Variants in SETBP1 observed in about 807,000 individuals in gnomAD.
SETBP1 encodes SET binding protein 1.
Under a neutral mutation model 101.0 loss-of-function variants are expected in SETBP1, and 9 were observed. That is an observed-to-expected ratio of 0.09 (90% confidence interval 0.05 to 0.16). The LOEUF (loss-of-function observed/expected upper bound fraction) is 0.16, where lower values mean the gene tolerates loss of function less well. Ranked by LOEUF, SETBP1 falls within the 10% of genes least tolerant of loss-of-function variation. The pLI is 1.00. For synonymous variants in SETBP1, 818 were observed against 788.5 expected, an observed-to-expected ratio of 1.04 and a Z score of -0.63; for missense variants, 1,858 against 2,033.8, an observed-to-expected ratio of 0.91 and a Z score of 1.66.
At chr18:44,692,882 G>A (rs981283772) in intron 1 of SETBP1, among the ~76,000 whole-genome samples, 5 of 152,196 alleles carry the variant, frequency 3.3e-5, no homozygotes, top group East Asian at 1.9e-4. Context: ...TGCAGCTTAC[G>A]AGATGCTGCT....
At chr18:45,059,784 C>T (rs2073864005) in intron 5 of SETBP1, among the ~76,000 whole-genome samples, 1 of 152,186 alleles carries the variant, frequency 6.6e-6, no homozygotes, top group Non-Finnish European at 1.5e-5. Flanking sequence ...ACATAGAGAA[C>T]ATTTTCGCCA....
chr18:44,828,305 A>G (rs529816529), intron 2 of SETBP1, among the ~76,000 whole-genome samples: 1 of 152,306 alleles, frequency 6.6e-6, no homozygotes, highest in South Asian at 2.1e-4. Flanking sequence ...GCCTTGTCAC[A>G]TGGCAATGAA....
At chr18:44,780,922 G>A (rs2071116466) in intron 2 of SETBP1, among the ~76,000 whole-genome samples, 1 of 152,198 alleles carries the variant, frequency 6.6e-6, no homozygotes, top group South Asian at 2.1e-4. Context: ...TTAGAACAGA[G>A]TGATGAGAAA....
At chr18:44,829,429 C>A (rs114412971) in intron 2 of SETBP1, among the ~76,000 whole-genome samples, 1 of 151,964 alleles carries the variant, frequency 6.6e-6, no homozygotes, top group Non-Finnish European at 1.5e-5. Flanking sequence ...AGCTGAACAA[C>A]GGAAAATACT....
chr18:44,791,256 A>C (rs1455800518), intron 2 of SETBP1, among the ~76,000 whole-genome samples: 1 of 152,162 alleles, frequency 6.6e-6, no homozygotes, highest in African/African-American at 2.4e-5. Flanking sequence ...ACACCCTCAA[A>C]TGCACAGGTC....
intron 4 of SETBP1, among the ~76,000 whole-genome samples, chr18:45,005,209 G>T (rs1310554403): frequency 6.6e-6 from 1 of 152,150 alleles, no homozygotes; most frequent in African/African-American, 2.4e-5. Flanking sequence ...TAAAACAAGA[G>T]TCTTGATGGT....
intron 5 of SETBP1, among the ~76,000 whole-genome samples, chr18:45,041,381 G>A (rs935242650): frequency 1.3e-5 from 2 of 152,186 alleles, no homozygotes; most frequent in African/African-American, 4.8e-5. Context: ...ACTGTAATAT[G>A]TATTTCTGAT....
chr18:44,905,442 C>G (rs910755734), intron 3 of SETBP1, among the ~76,000 whole-genome samples: 1 of 152,138 alleles, frequency 6.6e-6, no homozygotes, highest in African/African-American at 2.4e-5. Flanking sequence ...TACACAGCTC[C>G]TAGCACTATG....
At chr18:44,972,564 TG>T (rs2071890698) in intron 4 of SETBP1, among the ~76,000 whole-genome samples, 2 of 152,216 alleles carry the variant, frequency 1.3e-5, no homozygotes, top group African/African-American at 4.8e-5. Flanking sequence ...AGCAGTGGTT[TG>T]TAGTTCTCCC....
rs2071429159 is a variant in SETBP1, at chr18:44,954,118, A to G, written c.4000+778A>G. 2.6e-5 allele frequency among the ~76,000 whole-genome samples: 4 copies of G among 152,120 alleles called. No individual in the cohort carries two copies. In the South Asian group the frequency reaches 8.3e-4, roughly 31 times the overall value. ...AACTGAAATGCTGGTTGCTACTAGA[A>G]GGATCCTATTCCTTGTCAGTTGCTG... On this transcript the variant is annotated intron_variant, in intron 4 of 5. Transcript: ENST00000649279.
At chr18:44,902,108 A>T (rs544697866) in intron 3 of SETBP1, among the ~76,000 whole-genome samples, 1 of 152,308 alleles carries the variant, frequency 6.6e-6, no homozygotes, top group East Asian at 1.9e-4. Context: ...CACACTAGCC[A>T]CATTTCAAGT....
At chr18:44,960,976 A>G (rs186961961) in intron 4 of SETBP1, among the ~76,000 whole-genome samples, 124 of 152,358 alleles carry the variant, frequency 8.1e-4, no homozygotes, top group African/African-American at 2.9e-3. Flanking sequence ...TATTGCCTCC[A>G]GGCACTGAGA....
chr18:44,771,042 A>G lies in SETBP1; in HGVS notation c.486+69210A>G, dbSNP rs887070854. On this transcript the variant is annotated intron_variant, in intron 2 of 5. Coordinates refer to ENST00000649279, the MANE Select transcript of SETBP1 (RefSeq NM_015559.3). Reference sequence around the variant, plus strand: ...TTGATTTCACCTTGCAGGGAGGCCAATACCATGATCTCTGATAGCCTATGT... The same window carrying G: ...TTGATTTCACCTTGCAGGGAGGCCAGTACCATGATCTCTGATAGCCTATGT... 2.6e-5 allele frequency among the ~76,000 whole-genome samples: 4 copies of G among 151,956 alleles called. No individual in the cohort carries two copies. The East Asian group carries it at 7.7e-4, about 29-fold the overall frequency.
At chr18:44,741,517 T>G (rs931439980) in intron 2 of SETBP1, among the ~76,000 whole-genome samples, 10 of 152,182 alleles carry the variant, frequency 6.6e-5, no homozygotes, top group African/African-American at 2.2e-4. Context: ...GAAGATCTAT[T>G]TTTTACCATC....
intron 1 of SETBP1, among the ~76,000 whole-genome samples, chr18:44,694,771 C>T (rs2144151481): frequency 6.6e-6 from 1 of 151,922 alleles, no homozygotes; most frequent in South Asian, 2.1e-4. Flanking sequence ...GAAACAGAAC[C>T]CAACACAAGC....
intron 4 of SETBP1, among the ~76,000 whole-genome samples, chr18:45,007,007 G>C (rs548391412): frequency 6.6e-6 from 1 of 152,188 alleles, no homozygotes; most frequent in Non-Finnish European, 1.5e-5. Context: ...GCTGGTTTGC[G>C]AGAGATTATC....
chr18:44,965,528 C>G (rs1192623489), intron 4 of SETBP1, among the ~76,000 whole-genome samples: 3 of 152,134 alleles, frequency 2.0e-5, no homozygotes, highest in Non-Finnish European at 2.9e-5. Flanking sequence ...CAAAAAGCAT[C>G]TCCCCTGTTT....
chr18:44,876,129 C>T (rs893295329), intron 3 of SETBP1, among the ~76,000 whole-genome samples: 3 of 152,170 alleles, frequency 2.0e-5, no homozygotes, highest in Admixed American at 6.5e-5. Flanking sequence ...CCTGTCCTTC[C>T]CCAAACTCTC....
intron 4 of SETBP1, among the ~76,000 whole-genome samples, chr18:45,032,166 A>C (rs1466963809): frequency 6.6e-6 from 1 of 152,094 alleles, no homozygotes; most frequent in Non-Finnish European, 1.5e-5. Flanking sequence ...GGTGCTTGTC[A>C]CCTATGGGTT....
Sources: allele counts gnomAD v4.1 joint callset (sites outside exome capture counted in the v4.1 genomes callset), GRCh38; gene constraint gnomAD v4.1.1; transcripts MANE v1.5; gene names NCBI Gene and HGNC (gene_info 2026-07-23, HGNC 2026-07-21).